The following WDFY3 variants were observed in gnomAD, a reference collection of about 807,000 sequenced individuals.
WDFY3 encodes WD repeat and FYVE domain-containing protein 3.
Under a neutral mutation model 409.6 loss-of-function variants are expected in WDFY3, and 66 were observed. The observed-to-expected ratio is 0.16, with a 90% confidence interval of 0.13 to 0.20. The LOEUF is 0.20. Ranked by LOEUF, WDFY3 falls within the 10% of genes least tolerant of loss-of-function variation. The pLI, the probability that WDFY3 is intolerant of heterozygous loss-of-function variation, is 1.00. For synonymous variants in WDFY3, 1,521 were observed against 1,537.1 expected (o/e 0.99, Z 0.25); for missense variants, 3,031 against 4,298.1 (o/e 0.71, Z 8.24).
At chr4:84,918,216 G>C (rs1768763547) in intron 2 of WDFY3, among the ~76,000 whole-genome samples, 1 of 152,068 alleles carries the variant, frequency 6.6e-6, no homozygotes. Flanking sequence ...TTATCCTGAA[G>C]ATACACCTCC....
chr4:84,738,756 C>T (rs1737903868), intron 40 of WDFY3, among the ~76,000 whole-genome samples: 1 of 152,100 alleles, frequency 6.6e-6, no homozygotes, highest in Non-Finnish European at 1.5e-5. Flanking sequence ...AGTATTTGTA[C>T]TTCTACTTAA....
rs1316641449 is a variant in WDFY3 at position 84,826,802 on chromosome 4, A to G, written c.1123+13T>C. 1.3e-6 allele frequency: 2 copies of G among 1,584,044 alleles called. No individual in the cohort carries two copies. Among genetic ancestry groups the G allele is most frequent in the Non-Finnish European group, 1.7e-6 (2 of 1,171,160 alleles). The stretch of plus-strand genomic sequence containing the variant: ...TTCTCTCAGTAGCACAGAAGGGAAA[A>G]AACAAGACTCACCTTTGCCTGCAGG... On this transcript the variant is annotated intron_variant, in intron 10 of 67. Transcript: ENST00000295888.
chr4:84,841,120 G>A, intron 6 of WDFY3, 34 bp downstream of exon 6: 5 of 1,504,036 alleles, frequency 3.3e-6, no homozygotes, highest in Non-Finnish European at 4.5e-6. Context: ...AAATAAAGAC[G>A]CTGAGTTATC....
intron 30 of WDFY3, among the ~76,000 whole-genome samples, chr4:84,771,743 G>C (rs568566728): frequency 1.5e-4 from 23 of 152,214 alleles, no homozygotes; most frequent in African/African-American, 5.1e-4. Flanking sequence ...AAATTATATA[G>C]AGCACTTAGT....
intron 33 of WDFY3, 91 bp downstream of exon 33, chr4:84,756,835 T>C (rs1741549781): frequency 6.2e-6 from 8 of 1,297,884 alleles, no homozygotes; most frequent in African/African-American, 1.5e-5. Flanking sequence ...AGTGATGGAA[T>C]TGACAGTTGG....
In WDFY3 at chr4:84,803,331, G is replaced by C; in HGVS notation, c.2566C>G (p.Leu856Val). 6.2e-7 allele frequency: 1 copy of C among 1,613,866 alleles called. No individual in the cohort carries two copies. The highest frequency in any genetic ancestry group is 8.5e-7 in the Non-Finnish European group (1 of 1,179,920). ...GACCCAACAGAGGCCAGTAGGTCCA[G>C]CATGGCAAGCATGGCTCCAGGATGA... Reference protein sequence around the residue: ...IIHPGAMLAMLDLLASVGSVT... With the variant: ...IIHPGAMLAMVDLLASVGSVT... The change falls in exon 16 of 68, where the codon CTG becomes GTG. Residue 856 changes from leucine (L) to valine (V), a missense_variant. This residue lies in a region of WDFY3 where 1,322 missense variants were observed against 1,697.9 expected (regional missense o/e 0.78). Transcript: ENST00000295888.
In WDFY3 at chr4:84,671,668, TC is replaced by T. The variant is rs1187804841; in HGVS notation, c.*1199del. 1 of 152,410 alleles carries T rather than the reference TC, an allele frequency of 6.6e-6. No homozygotes were observed. The highest frequency in any genetic ancestry group is 1.5e-5 in the Non-Finnish European group (1 of 68,008). The allele number at this position is 152,410 out of a possible 1,614,324, so 9.4% of individuals were successfully genotyped here. A position where few individuals can be genotyped will look rare whatever the true frequency, so the allele number is the denominator to read the frequency against. ...AAATATTAAAATACTGTAATTATAT[TC>T]ATAGCAAAAACAAAAAAATAGACAT... On this transcript the variant is annotated 3_prime_UTR_variant, in exon 68 of 68. Coordinates refer to ENST00000295888, the MANE Select transcript of WDFY3 (RefSeq NM_014991.6).
At chr4:84,776,177 T>C (rs1745513714) in intron 27 of WDFY3, among the ~76,000 whole-genome samples, 1 of 151,916 alleles carries the variant, frequency 6.6e-6, no homozygotes, top group African/African-American at 2.4e-5. Flanking sequence ...ATGGGAGAAA[T>C]GAAAGTCTCT....
chr4:84,785,107 T>C (rs1747323454), intron 24 of WDFY3, among the ~76,000 whole-genome samples: 2 of 151,856 alleles, frequency 1.3e-5, no homozygotes, highest in Non-Finnish European at 2.9e-5. Context: ...TTACAGCATT[T>C]CCCTCCTATG....
intron 50 of WDFY3, 80 bp from the exon 51 acceptor site, chr4:84,713,319 G>A (rs552363572): frequency 4.8e-5 from 64 of 1,322,418 alleles, no homozygotes; most frequent in Non-Finnish European, 6.3e-5. Flanking sequence ...AGGACGATTC[G>A]TTTAGATTTT....
chr4:84,918,199 C>T (rs1489973907), intron 2 of WDFY3, among the ~76,000 whole-genome samples: 1 of 152,118 alleles, frequency 6.6e-6, no homozygotes, highest in African/African-American at 2.4e-5. Context: ...TAATTCCACT[C>T]CTACATTTAT....
chr4:84,733,752 A>G, intron 43 of WDFY3, 143 bp from the exon 44 acceptor site: 2 of 825,848 alleles, frequency 2.4e-6, no homozygotes, highest in Admixed American at 6.0e-5. Flanking sequence ...GTAAAATTAC[A>G]TTTGTTTATG....
At chr4:84,835,789 C>T (rs1319755464) in intron 7 of WDFY3, among the ~76,000 whole-genome samples, 3 of 152,166 alleles carry the variant, frequency 2.0e-5, no homozygotes, top group Non-Finnish European at 2.9e-5. Context: ...TCTCTATTCG[C>T]TTCCTACTCT....
chr4:84,761,358 C>G (rs1742560874), intron 32 of WDFY3, among the ~76,000 whole-genome samples: 1 of 152,068 alleles, frequency 6.6e-6, no homozygotes, highest in African/African-American at 2.4e-5. Flanking sequence ...TCCTGGGTAT[C>G]CTTGTTGACT....
At chr4:84,761,479 T>A (rs927210306) in intron 32 of WDFY3, among the ~76,000 whole-genome samples, 3 of 152,156 alleles carry the variant, frequency 2.0e-5, no homozygotes, top group Non-Finnish European at 4.4e-5. Context: ...GCTTTATGAA[T>A]CTGGGTGCTC....
chr4:84,721,984 A>G (rs17368276), intron 46 of WDFY3, among the ~76,000 whole-genome samples: 3,283 of 152,348 alleles, frequency 0.022, 63 homozygotes, highest in South Asian at 0.062. Context: ...GGTAATGATG[A>G]TAACAGAAAG....
intron 41 of WDFY3, 36 bp downstream of exon 41, chr4:84,737,148 T>A (rs779015874): frequency 2.5e-6 from 4 of 1,612,426 alleles, no homozygotes; most frequent in Non-Finnish European, 2.5e-6. Context: ...TAGCCACATG[T>A]AAATCTCCTG....
At chr4:84,834,564 T>A (rs1279249709) in intron 7 of WDFY3, among the ~76,000 whole-genome samples, 1 of 151,432 alleles carries the variant, frequency 6.6e-6, no homozygotes, top group Non-Finnish European at 1.5e-5. Context: ...GGCACAAAAA[T>A]CGCTTGAACC....
At chr4:84,887,855 C>T (rs774720647) in intron 3 of WDFY3, among the ~76,000 whole-genome samples, 1 of 152,142 alleles carries the variant, frequency 6.6e-6, no homozygotes, top group African/African-American at 2.4e-5. Flanking sequence ...GTTGTTCCTA[C>T]CAAAGATAGT....
Sources: allele counts gnomAD v4.1 joint callset (sites outside exome capture counted in the v4.1 genomes callset), GRCh38; gene constraint gnomAD v4.1.1; regional missense constraint gnomAD v4.1.1; transcripts MANE v1.5; gene names NCBI Gene and HGNC (gene_info 2026-07-23, HGNC 2026-07-21).